Variants in ZNF540 observed in about 807,000 individuals in gnomAD.
ZNF540 encodes the protein CTD-3064H18.6.
ZNF540 carries 3 observed loss-of-function variants against 11.8 expected under a neutral mutation model. That is an observed-to-expected ratio of 0.25 (90% confidence interval 0.12 to 0.65). ZNF540 has a LOEUF of 0.65. Among genes scored for constraint, ZNF540 ranks in the 30% least tolerant of loss-of-function variants. The pLI, the probability that ZNF540 is intolerant of heterozygous loss-of-function variation, is 0.83. For synonymous variants in ZNF540, 247 were observed against 259.0 expected (o/e 0.95, Z 0.45); for missense variants, 709 against 793.1 (o/e 0.89, Z 1.27).
Position 37,594,908 on chromosome 19 carries a change from A to C in ZNF540, c.-260A>C, listed in dbSNP as rs1419544268. The C allele has an allele frequency of 6.6e-6, 1 of 152,190 alleles. No homozygotes were observed. Among genetic ancestry groups the C allele is most frequent in the African/African-American group, 2.4e-5 (1 of 41,442 alleles). The allele number at this position is 152,190 out of a possible 1,614,324, so 9.4% of individuals were successfully genotyped here. ...ATCGGGTCCGGCGCTCCAGAACAGAACGATCCCTGAGGCTCCCTTGCTCGA... is the reference window on the plus strand; with the variant it reads ...ATCGGGTCCGGCGCTCCAGAACAGACCGATCCCTGAGGCTCCCTTGCTCGA... On this transcript the variant is annotated 5_prime_UTR_variant, in exon 1 of 5. Coordinates refer to ENST00000316433, the MANE Select transcript of ZNF540 (RefSeq NM_001172225.3).
At chr19:37,595,673 C>T (rs995383272) in intron 1 of ZNF540, among the ~76,000 whole-genome samples, 1 of 152,146 alleles carries the variant, frequency 6.6e-6, no homozygotes, top group Non-Finnish European at 1.5e-5. Context: ...TCGTGTAACG[C>T]TTTGGAACAA....
intron 1 of ZNF540, among the ~76,000 whole-genome samples, chr19:37,558,490 C>T (rs1442105340): frequency 1.3e-5 from 2 of 152,110 alleles, no homozygotes; most frequent in Non-Finnish European, 2.9e-5. Flanking sequence ...TGGATGACTT[C>T]ATTCGCCTTA....
chr19:37,566,122 ACTTG>A (rs781499916), intron 1 of ZNF540: 20 of 1,613,872 alleles, frequency 1.2e-5, no homozygotes, highest in Non-Finnish European at 1.7e-5. Context: ...GCCCTTCCTG[ACTTG>A]CTTCTTGACC....
rs748804256 is a variant in ZNF540 at position 37,612,265 on chromosome 19, T to C, written c.985T>C (p.Cys329Arg). The C allele has an allele frequency of 1.2e-6, 2 of 1,614,036 alleles. No individual in the cohort carries two copies. The highest frequency in any genetic ancestry group is 1.7e-6 in the Non-Finnish European group (2 of 1,180,020). Residue 329 changes from cysteine to arginine, a missense_variant, in exon 5 of 5, where the codon TGT (cysteine) becomes CGT (arginine). Coordinates refer to ENST00000316433, the MANE Select transcript of ZNF540 (RefSeq NM_001172225.3). ...TCATACAGGTAAGAAACCCTATGAA[T>C]GTAAGGAGTGTGGGAAAGCTTTTAG... ...RIHTGKKPYE[C>R]KECGKAFSVC...
intron 1 of ZNF540, among the ~76,000 whole-genome samples, chr19:37,556,471 T>A (rs1239856117): frequency 6.6e-6 from 1 of 152,148 alleles, no homozygotes; most frequent in African/African-American, 2.4e-5. Flanking sequence ...CCGTCCACCT[T>A]CAGAGCCATT....
chr19:37,581,428 A>G (rs112370151), intron 1 of ZNF540, among the ~76,000 whole-genome samples: 3 of 142,562 alleles, frequency 2.1e-5, no homozygotes, highest in Non-Finnish European at 3.1e-5. Flanking sequence ...CCTTTATACC[A>G]CCCCTCCAGC....
intron 1 of ZNF540, chr19:37,556,212 C>G: frequency 1.5e-6 from 1 of 664,392 alleles, no homozygotes; most frequent in South Asian, 1.6e-5. Context: ...CTTGGAGGTA[C>G]TGGCCCTCCA....
At chr19:37,578,155 C>A (rs2043311221) in intron 1 of ZNF540, among the ~76,000 whole-genome samples, 1 of 152,168 alleles carries the variant, frequency 6.6e-6, no homozygotes, top group Admixed American at 6.5e-5. Context: ...CCCCTCTCGC[C>A]CCACTCCCCA....
chr19:37,589,182 AAGAGCCAAACTCCGTCTC>A, intron 1 of ZNF540, among the ~76,000 whole-genome samples: 1 of 146,912 alleles, frequency 6.8e-6, no homozygotes, highest in Non-Finnish European at 1.5e-5. Flanking sequence ...CCTGGGCGAC[AAGAGCCAAACTCCGTCTC>A]AAAAAAAAAA....
At chr19:37,603,745 A>G (rs2044058852) in intron 4 of ZNF540, among the ~76,000 whole-genome samples, 1 of 152,190 alleles carries the variant, frequency 6.6e-6, no homozygotes, top group Non-Finnish European at 1.5e-5. Flanking sequence ...ATTCTTCAAA[A>G]TATGTTGTAC....
Position 37,564,926 on chromosome 19 carries a change from G to A in ZNF540, c.-73+13261G>A, listed in dbSNP as rs765319516. 9 of 1,613,922 alleles carry A rather than the reference G, an allele frequency of 5.6e-6. No homozygotes were observed. The South Asian group carries it at 9.9e-5, about 18-fold the overall frequency. On this transcript the variant is annotated intron_variant, in intron 1 of 4. Transcript: ENST00000592533. Reference sequence around the variant, plus strand: ...CTTGTCACATTCCTTACATTTGTAGGGCTTTTCACCTGTATGAATTCTTTG... The same window carrying A: ...CTTGTCACATTCCTTACATTTGTAGAGCTTTTCACCTGTATGAATTCTTTG...
intron 3 of ZNF540, 112 bp from the exon 4 acceptor site, chr19:37,600,897 GA>G (rs2044033873): frequency 4.5e-6 from 4 of 883,330 alleles, no homozygotes; most frequent in South Asian, 3.5e-5. Flanking sequence ...AGTTTTTTCC[GA>G]AGTCTTCATC....
intron 1 of ZNF540, among the ~76,000 whole-genome samples, chr19:37,554,447 A>G (rs1031346425): frequency 1.3e-5 from 2 of 152,192 alleles, no homozygotes; most frequent in Non-Finnish European, 2.9e-5. Flanking sequence ...GCTTGCATAG[A>G]TTCTCACAAG....
chr19:37,572,084 A>G (rs1452048006), intron 1 of ZNF540, among the ~76,000 whole-genome samples: 3 of 152,256 alleles, frequency 2.0e-5, no homozygotes, highest in Non-Finnish European at 4.4e-5. Flanking sequence ...CATTAATAAC[A>G]TCAAACCATC....
At chr19:37,567,035 C>T (rs910155799) in intron 1 of ZNF540, among the ~76,000 whole-genome samples, 1 of 152,156 alleles carries the variant, frequency 6.6e-6, no homozygotes, top group Non-Finnish European at 1.5e-5. Context: ...AAGTGTCAAG[C>T]ATATGCCTAC....
chr19:37,559,056 C>G lies in ZNF540; in HGVS notation c.-73+7391C>G, dbSNP rs145255219. Among the ~76,000 whole-genome samples the G allele has an allele frequency of 2.0e-5, 3 of 152,104 alleles. No homozygotes were observed. The East Asian group carries it at 5.8e-4, about 29-fold the overall frequency. On this transcript the variant is annotated intron_variant, in intron 1 of 4. Transcript: ENST00000592533. ...ATGGGTTTTCACTAACTTGCCAAGG[C>G]TGGTCTCAAACTCCTGCGCTCCAGT...
upstream of ZNF540, chr19:37,594,070 T>C (rs987942213): frequency 2.0e-5 from 3 of 152,080 alleles, no homozygotes; most frequent in Non-Finnish European, 2.9e-5. Flanking sequence ...GACGAAACAA[T>C]TTAGGATAAC....
At chr19:37,588,702 A>G (rs556849732) in intron 1 of ZNF540, among the ~76,000 whole-genome samples, 46 of 152,312 alleles carry the variant, frequency 3.0e-4, no homozygotes, top group Non-Finnish European at 6.2e-4. Flanking sequence ...CCCTGAATCT[A>G]AAATAAAAGT....
chr19:37,565,632 A>C, intron 1 of ZNF540: 1 of 1,613,356 alleles, frequency 6.2e-7, no homozygotes, highest in Non-Finnish European at 8.5e-7. Flanking sequence ...TGAAGAGTAT[A>C]TTGTGAACAA....
Sources: allele counts gnomAD v4.1 joint callset (sites outside exome capture counted in the v4.1 genomes callset), GRCh38; gene constraint gnomAD v4.1.1; transcripts MANE v1.5; gene names NCBI Gene and HGNC (gene_info 2026-07-23, HGNC 2026-07-21).